CD99L2: variants seen among roughly 807,000 people sequenced by gnomAD.
CD99L2 encodes CD99 antigen-like protein 2.
A neutral mutation model predicts 27.3 loss-of-function variants in CD99L2; 24 were observed. The ratio of observed to expected loss-of-function variants is 0.88; its 90% CI spans 0.64 to 1.24. CD99L2 has a LOEUF of 1.24. Ranked by LOEUF, CD99L2 falls within the 50% of genes most tolerant of loss-of-function variation. The pLI is 0.00. For missense variants in CD99L2, 255 were observed against 221.6 expected, an observed-to-expected ratio of 1.15 and a Z score of -0.96; for synonymous variants, 97 against 87.9, an observed-to-expected ratio of 1.10 and a Z score of -0.58.
intron 4 of CD99L2, among the ~76,000 whole-genome samples, chrX:150,808,765 AAG>A (rs1349755915): frequency 1.8e-4 from 20 of 111,850 alleles, no homozygotes; most frequent in Middle Eastern, 4.6e-3. Flanking sequence ...CAGCCTTGAA[AAG>A]AGGGGTTTTA....
chrX:150,888,456 G>A (rs1396495014), intron 1 of CD99L2, among the ~76,000 whole-genome samples: 3 of 111,942 alleles, frequency 2.7e-5, no homozygotes, highest in East Asian at 2.8e-4. Context: ...ACCTGATTCC[G>A]TTGCTATGAA....
chrX:150,802,880 C>CTTT (rs34693200), intron 4 of CD99L2, among the ~76,000 whole-genome samples: 3 of 20,817 alleles, frequency 1.4e-4, no homozygotes, highest in Non-Finnish European at 1.8e-4. Flanking sequence ...CGTGCCCAGC[C>CTTT]TTTTTTTTTT....
intron 4 of CD99L2, among the ~76,000 whole-genome samples, chrX:150,803,584 A>G (rs897423584): frequency 2.0e-4 from 22 of 112,254 alleles, no homozygotes; most frequent in African/African-American, 6.5e-4. Context: ...ACAGACAGAC[A>G]GATCAATCAA....
At chrX:150,796,412 T>C (rs782224296) in intron 4 of CD99L2, among the ~76,000 whole-genome samples, 1 of 112,530 alleles carries the variant, frequency 8.9e-6, no homozygotes, top group East Asian at 2.8e-4. Context: ...AAGAGGGATA[T>C]TATAAAATGA....
At chrX:150,792,571 C>T (rs781869467) in intron 7 of CD99L2, among the ~76,000 whole-genome samples, 24 of 111,942 alleles carry the variant, frequency 2.1e-4, no homozygotes, top group Non-Finnish European at 4.1e-4. Context: ...AAAGGCACAC[C>T]GTTCTTGCAA....
chrX:150,884,394 T>C (rs1244864554), intron 1 of CD99L2, among the ~76,000 whole-genome samples: 14 of 111,824 alleles, frequency 1.3e-4, no homozygotes, highest in Non-Finnish European at 2.6e-4. Flanking sequence ...ATATAAGTAG[T>C]TGGGCTGGGC....
At chrX:150,786,227 T>A (rs5925427) in intron 7 of CD99L2, among the ~76,000 whole-genome samples, 1,137 of 110,999 alleles carry the variant, frequency 0.01, 13 homozygotes, top group African/African-American at 0.029. Context: ...TTTTTTTTTT[T>A]AAAAAATTTT....
At chrX:150,866,841 A>T (rs1276334993) in intron 1 of CD99L2, among the ~76,000 whole-genome samples, 2 of 111,739 alleles carry the variant, frequency 1.8e-5, no homozygotes, top group Non-Finnish European at 3.8e-5. Flanking sequence ...ACAATGATAC[A>T]TCAATTTTTA....
At chrX:150,769,895 G>C (rs781909292) in intron 10 of CD99L2, among the ~76,000 whole-genome samples, 1 of 113,125 alleles carries the variant, frequency 8.8e-6, no homozygotes, top group Non-Finnish European at 1.9e-5. Flanking sequence ...TTGACAATAG[G>C]GTCTGGGTTT....
At chrX:150,778,412 G>C in intron 7 of CD99L2, among the ~76,000 whole-genome samples, 1 of 104,854 alleles carries the variant, frequency 9.5e-6, no homozygotes, top group East Asian at 3.0e-4. Context: ...CAATCAAAGA[G>C]TCAGGAGGAA....
chrX:150,898,666 G>T lies in CD99L2; in HGVS notation c.-78C>A. 2.1e-6 allele frequency: 2 copies of T among 938,792 alleles called. No homozygotes were observed. Among genetic ancestry groups the T allele is most frequent in the South Asian group, 2.5e-5 (1 of 39,449 alleles). The allele number at this position is 938,792 out of a possible 1,213,427, so 77.4% of individuals were successfully genotyped here. ...CGAAGGGGAGGCCGAGGAGGAGCGG[G>T]AGGAGGAGCCCCGCCGCCTCTGCAG... On this transcript the variant is annotated 5_prime_UTR_variant, in exon 1 of 11. Coordinates refer to ENST00000370377, the MANE Select transcript of CD99L2 (RefSeq NM_031462.4).
intron 1 of CD99L2, among the ~76,000 whole-genome samples, chrX:150,898,061 C>CG (rs2047643247): frequency 3.6e-5 from 1 of 28,129 alleles, no homozygotes; most frequent in Non-Finnish European, 1.5e-4. Context: ...CTGACCCCCC[C>CG]CCCCCCCCCC....
At chrX:150,803,824 CAT>C (rs1338215344) in intron 4 of CD99L2, among the ~76,000 whole-genome samples, 17 of 111,578 alleles carry the variant, frequency 1.5e-4, no homozygotes, top group African/African-American at 5.5e-4. Context: ...CAAAAGAAAA[CAT>C]AAAAAAAATC....
At chrX:150,852,815 T>G (rs1297804800) in intron 1 of CD99L2, among the ~76,000 whole-genome samples, 3 of 111,728 alleles carry the variant, frequency 2.7e-5, no homozygotes, top group Admixed American at 9.5e-5. Flanking sequence ...CTGAAAAAAG[T>G]CCACTGAATG....
chrX:150,892,320 CAGG>C (rs2047526732), intron 1 of CD99L2, among the ~76,000 whole-genome samples: 2 of 110,496 alleles, frequency 1.8e-5, no homozygotes, highest in South Asian at 7.6e-4. Flanking sequence ...AAGAACAGAA[CAGG>C]AGGCCGGGCA....
intron 7 of CD99L2, among the ~76,000 whole-genome samples, chrX:150,780,789 G>T (rs1405903168): frequency 8.9e-6 from 1 of 111,935 alleles, no homozygotes; most frequent in Non-Finnish European, 1.9e-5. Flanking sequence ...TAGATTCAAA[G>T]AAATGCATAT....
chrX:150,805,380 A>T (rs2045980224), intron 4 of CD99L2, among the ~76,000 whole-genome samples: 5 of 111,508 alleles, frequency 4.5e-5, no homozygotes, highest in Admixed American at 3.8e-4. Flanking sequence ...GACAGGAGGA[A>T]TAAGTTCTGG....
chrX:150,836,390 C>G (rs554338196), intron 1 of CD99L2, among the ~76,000 whole-genome samples: 90 of 110,824 alleles, frequency 8.1e-4, no homozygotes, highest in African/African-American at 2.9e-3. Context: ...GTTGCCGAGG[C>G]TGGAGTGCAA....
intron 1 of CD99L2, among the ~76,000 whole-genome samples, chrX:150,884,040 G>A (rs1451267690): frequency 1.8e-5 from 2 of 111,840 alleles, no homozygotes; most frequent in Non-Finnish European, 3.8e-5. Flanking sequence ...TTGGAAGACA[G>A]TTTAGTACCA....
Sources: allele counts gnomAD v4.1 joint callset (sites outside exome capture counted in the v4.1 genomes callset), GRCh38; gene constraint gnomAD v4.1.1; transcripts MANE v1.5; gene names NCBI Gene and HGNC (gene_info 2026-07-23, HGNC 2026-07-21).